CSGALNACT1: variants seen among roughly 807,000 people sequenced by gnomAD.
CSGALNACT1 encodes the protein chondroitin sulfate N-acetylgalactosaminyltransferase 1, also known as beta4GalNAcT-1.
In CSGALNACT1, 52 loss-of-function variants were observed where a neutral mutation model predicts 51.0. The ratio of observed to expected loss-of-function variants is 1.02; its 90% CI spans 0.82 to 1.29. CSGALNACT1 has a LOEUF of 1.29. Ranked by LOEUF, CSGALNACT1 falls within the 50% of genes most tolerant of loss-of-function variation. The probability of loss-of-function intolerance (pLI) is 0.00; values close to 1 mark genes in which losing one functional copy is unlikely to be tolerated. For missense variants in CSGALNACT1, 935 were observed against 679.2 expected (o/e 1.38, Z -4.19); for synonymous variants, 341 against 254.4 (o/e 1.34, Z -3.24).
At chr8:19,651,696 G>T (rs962821881) in intron 1 of CSGALNACT1, among the ~76,000 whole-genome samples, 1 of 151,948 alleles carries the variant, frequency 6.6e-6, no homozygotes, top group Non-Finnish European at 1.5e-5. Context: ...TCATGTCTTC[G>T]CTATTGTGAA....
At chr8:19,515,454 T>C (rs558470568) in intron 3 of CSGALNACT1, among the ~76,000 whole-genome samples, 182 of 152,324 alleles carry the variant, frequency 1.2e-3, no homozygotes, top group Non-Finnish European at 2.1e-3. Context: ...AGGAATTCCC[T>C]AGTTGGGAGG....
At chr8:19,460,238 TGAGAGA>T (rs1244229686) in intron 4 of CSGALNACT1, among the ~76,000 whole-genome samples, 4 of 152,032 alleles carry the variant, frequency 2.6e-5, no homozygotes, top group Non-Finnish European at 5.9e-5. Flanking sequence ...CTTTTGAGAG[TGAGAGA>T]GAATCAGGGA....
chr8:19,723,787 CA>C (rs2154241244), intron 1 of CSGALNACT1, among the ~76,000 whole-genome samples: 1 of 152,266 alleles, frequency 6.6e-6, no homozygotes, highest in Non-Finnish European at 1.5e-5. Flanking sequence ...CTGGAAAATG[CA>C]AGTGGCTATA....
chr8:19,408,497 TGAAGGC>T, intron 9 of CSGALNACT1, 110 bp downstream of exon 8: 1 of 268,108 alleles, frequency 3.7e-6, no homozygotes. Flanking sequence ...TTTTTTTTTT[TGAAGGC>T]AATGGTACCA....
intron 1 of CSGALNACT1, among the ~76,000 whole-genome samples, chr8:19,673,249 G>C (rs2059927218): frequency 6.6e-6 from 1 of 152,214 alleles, no homozygotes; most frequent in Non-Finnish European, 1.5e-5. Context: ...TGGGATTCCA[G>C]GTTTGAGTAT....
chr8:19,664,743 CAT>C (rs2059049145), intron 1 of CSGALNACT1, among the ~76,000 whole-genome samples: 2 of 152,082 alleles, frequency 1.3e-5, no homozygotes, highest in Non-Finnish European at 2.9e-5. Flanking sequence ...TTTGTAGCAA[CAT>C]AGTTGGAACT....
intron 3 of CSGALNACT1, among the ~76,000 whole-genome samples, chr8:19,540,617 T>C (rs1015801416): frequency 6.6e-6 from 1 of 152,188 alleles, no homozygotes; most frequent in Non-Finnish European, 1.5e-5. Flanking sequence ...GCCAGGTTCT[T>C]TGTGATCTGA....
At chr8:19,447,087 G>A (rs1163743757) in intron 5 of CSGALNACT1, among the ~76,000 whole-genome samples, 1 of 152,196 alleles carries the variant, frequency 6.6e-6, no homozygotes, top group African/African-American at 2.4e-5. Flanking sequence ...CGCCTGCCCT[G>A]TGGAGGGCCG....
At chr8:19,627,430 G>A (rs935664662) in intron 1 of CSGALNACT1, among the ~76,000 whole-genome samples, 25 of 152,082 alleles carry the variant, frequency 1.6e-4, no homozygotes, top group African/African-American at 5.1e-4. Flanking sequence ...GTTAGTTCCT[G>A]GAAATGGAAC....
chr8:19,488,052 T>C (rs1375028624), intron 4 of CSGALNACT1, among the ~76,000 whole-genome samples: 3 of 152,038 alleles, frequency 2.0e-5, no homozygotes, highest in Non-Finnish European at 4.4e-5. Context: ...CTGATAATCA[T>C]AGTATTAGTA....
chr8:19,414,098 G>C (rs2056412781), intron 8 of CSGALNACT1, among the ~76,000 whole-genome samples: 1 of 152,134 alleles, frequency 6.6e-6, no homozygotes, highest in Non-Finnish European at 1.5e-5. Context: ...CCTGAAATAG[G>C]CCACGGTGGG....
intron 1 of CSGALNACT1, among the ~76,000 whole-genome samples, chr8:19,608,534 C>T (rs2051726893): frequency 6.6e-6 from 1 of 152,252 alleles, no homozygotes; most frequent in African/African-American, 2.4e-5. Flanking sequence ...ACTACAATCT[C>T]CACAGCATCT....
At chr8:19,601,505 C>G (rs2050413308) in intron 2 of CSGALNACT1, among the ~76,000 whole-genome samples, 1 of 152,144 alleles carries the variant, frequency 6.6e-6, no homozygotes, top group Non-Finnish European at 1.5e-5. Flanking sequence ...ACTTGCCACT[C>G]TGAGAAGAGA....
At chr8:19,425,394 G>A (rs544590485) in intron 6 of CSGALNACT1, among the ~76,000 whole-genome samples, 2 of 152,282 alleles carry the variant, frequency 1.3e-5, no homozygotes, top group African/African-American at 4.8e-5. Flanking sequence ...GACAGTAGCT[G>A]TAACTTCACA....
chr8:19,445,516 T>G (rs2061970076), intron 5 of CSGALNACT1, among the ~76,000 whole-genome samples: 2 of 152,194 alleles, frequency 1.3e-5, no homozygotes, highest in Admixed American at 1.3e-4. Context: ...TGTTGTGAGG[T>G]CTACCTCCAA....
rs555512316 is a variant in CSGALNACT1, at chr8:19,434,477, A to T, written c.953+5353T>A. 5.3e-5 allele frequency among the ~76,000 whole-genome samples: 8 copies of T among 152,334 alleles called. No homozygotes were observed. The South Asian group carries it at 1.7e-3, about 32-fold the overall frequency. On this transcript the variant is annotated intron_variant, in intron 6 of 9. Transcript: ENST00000454498. ...TCATGACAACTTCACCCTTGAAGAC[A>T]TGCATCTCCCAAGAAGCAAGATACT...
intron 2 of CSGALNACT1, among the ~76,000 whole-genome samples, chr8:19,592,322 C>T (rs1036099834): frequency 1.3e-5 from 2 of 152,078 alleles, no homozygotes; most frequent in Non-Finnish European, 2.9e-5. Context: ...TATCCTTATT[C>T]TTAGGAAATA....
At chr8:19,420,212 C>A (rs2057690325) in intron 7 of CSGALNACT1, 128 bp downstream of exon 6, 4 of 854,942 alleles carry the variant, frequency 4.7e-6, no homozygotes, top group Non-Finnish European at 7.8e-6. Context: ...TTTTCCTTTT[C>A]TTTGCTATTG....
At chr8:19,513,200 C>G (rs537163520) in intron 3 of CSGALNACT1, among the ~76,000 whole-genome samples, 1 of 152,054 alleles carries the variant, frequency 6.6e-6, no homozygotes, top group South Asian at 2.1e-4. Flanking sequence ...AGACCATGCA[C>G]TAGACACTGA....
Sources: allele counts gnomAD v4.1 joint callset (sites outside exome capture counted in the v4.1 genomes callset), GRCh38; gene constraint gnomAD v4.1.1; transcripts MANE v1.5; gene names NCBI Gene and HGNC (gene_info 2026-07-23, HGNC 2026-07-21).